The following CDH12 variants were observed in gnomAD, a reference collection of about 807,000 sequenced individuals.
CDH12 encodes the protein cadherin-12.
A neutral mutation model predicts 74.1 loss-of-function variants in CDH12; 41 were observed. The observed-to-expected ratio is 0.55, with a 90% CI of 0.43 to 0.72. The LOEUF (loss-of-function observed/expected upper bound fraction) is 0.72, where lower values mean the gene tolerates loss of function less well. Ranked by LOEUF, CDH12 falls within the 30% of genes least tolerant of loss-of-function variation. CDH12 has a pLI of 0.00. For synonymous variants in CDH12, 399 were observed against 355.0 expected (o/e 1.12, Z -1.39); for missense variants, 945 against 977.2 (o/e 0.97, Z 0.44).
At chr5:22,771,285 C>CA (rs1746791142) in intron 1 of CDH12, among the ~76,000 whole-genome samples, 1 of 152,000 alleles carries the variant, frequency 6.6e-6, no homozygotes, top group South Asian at 2.1e-4. Flanking sequence ...CTTATTGCAG[C>CA]AAGTAATAAA....
At chr5:22,052,546 A>C (rs1286502597) in intron 5 of CDH12, among the ~76,000 whole-genome samples, 1 of 152,094 alleles carries the variant, frequency 6.6e-6, no homozygotes. Context: ...TGCTTATACT[A>C]GTCTATTTCA....
intron 5 of CDH12, among the ~76,000 whole-genome samples, chr5:22,046,251 A>T (rs1322668684): frequency 6.6e-6 from 1 of 152,130 alleles, no homozygotes; most frequent in Admixed American, 6.5e-5. Flanking sequence ...ATTTAATTAA[A>T]ATATTTGTTT....
chr5:22,491,505 T>A (rs1309199230), intron 2 of CDH12, among the ~76,000 whole-genome samples: 2 of 150,810 alleles, frequency 1.3e-5, no homozygotes, highest in Non-Finnish European at 2.9e-5. Context: ...AAAGACTAGA[T>A]GGCTTATAGG....
intron 4 of CDH12, among the ~76,000 whole-genome samples, chr5:22,104,387 G>A (rs1054816368): frequency 2.6e-5 from 4 of 152,006 alleles, no homozygotes; most frequent in Middle Eastern, 3.4e-3. Context: ...TGTGAAGTAT[G>A]TATTTGGAAA....
intron 4 of CDH12, among the ~76,000 whole-genome samples, chr5:22,085,297 C>T (rs1478940713): frequency 6.6e-6 from 1 of 151,932 alleles, no homozygotes; most frequent in African/African-American, 2.4e-5. Context: ...GCTGTGGTTT[C>T]CCTAGTTATT....
chr5:22,380,363 G>T lies in CDH12; in HGVS notation c.-333+24894C>A, dbSNP rs568873210. On this transcript the variant is annotated intron_variant, in intron 3 of 14. Transcript: ENST00000382254. ...CCTTTTAAATTATTTATTCTCAAAG[G>T]TTCTTTTGTTATAACTCTCTCTGAG... 4.6e-5 allele frequency among the ~76,000 whole-genome samples: 7 copies of T among 152,072 alleles called. No individual in the cohort carries two copies. The South Asian group carries it at 8.3e-4, about 18-fold the overall frequency.
chr5:22,670,520 C>A (rs1023018893), intron 1 of CDH12, among the ~76,000 whole-genome samples: 1 of 151,892 alleles, frequency 6.6e-6, no homozygotes, highest in South Asian at 2.1e-4. Flanking sequence ...TTATAATGTG[C>A]CATTTAAAAA....
intron 1 of CDH12, among the ~76,000 whole-genome samples, chr5:22,803,514 C>T (rs1748637588): frequency 6.6e-6 from 1 of 152,130 alleles, no homozygotes; most frequent in African/African-American, 2.4e-5. Context: ...AAATCAGACT[C>T]CAAGTTTTTG....
At chr5:22,483,770 A>ATATATATATATATATATATAT (rs1400461763) in intron 2 of CDH12, among the ~76,000 whole-genome samples, 358 of 100,894 alleles carry the variant, frequency 3.5e-3, no homozygotes, top group African/African-American at 4.5e-3. Flanking sequence ...ATATAAATTT[A>ATATATATATATATATATATAT]ATTAATTGGG....
chr5:22,137,779 T>G (rs962172076), intron 4 of CDH12, among the ~76,000 whole-genome samples: 1 of 152,108 alleles, frequency 6.6e-6, no homozygotes, highest in African/African-American at 2.4e-5. Context: ...TAAAGCAGTC[T>G]GATAATTGCT....
intron 5 of CDH12, among the ~76,000 whole-genome samples, chr5:21,996,113 T>G (rs907184751): frequency 4.9e-5 from 4 of 81,668 alleles, no homozygotes; most frequent in Non-Finnish European, 8.3e-5. Flanking sequence ...ACGTTTTTTT[T>G]TTTTTTTTTT....
chr5:22,513,844 A>G, intron 1 of CDH12, among the ~76,000 whole-genome samples: 1 of 150,692 alleles, frequency 6.6e-6, no homozygotes, highest in African/African-American at 2.4e-5. Context: ...GCTACTTAGG[A>G]GGTTGAGGTA....
chr5:22,782,514 C>G (rs1322947237), intron 1 of CDH12, among the ~76,000 whole-genome samples: 10 of 152,098 alleles, frequency 6.6e-5, no homozygotes, highest in African/African-American at 2.4e-4. Flanking sequence ...CTGAGGCCTT[C>G]CCAGCCATGC....
Position 22,282,413 on chromosome 5 carries a change from G to A in CDH12, c.-332-69770C>T, listed in dbSNP as rs565699144. Among the ~76,000 whole-genome samples the A allele has an allele frequency of 7.2e-5, 11 of 152,248 alleles. No individual in the cohort carries two copies. In the South Asian group the frequency reaches 2.3e-3, roughly 32 times the overall value. On this transcript the variant is annotated intron_variant, in intron 3 of 14. Coordinates refer to ENST00000382254, the MANE Select transcript of CDH12 (RefSeq NM_004061.5). ...ATAAATGGGATCCAATTAAACTAAA[G>A]AGCTTCTGCACAGCAAAAGAAACTA...
chr5:22,242,203 T>C (rs941220034), intron 3 of CDH12, among the ~76,000 whole-genome samples: 1 of 152,160 alleles, frequency 6.6e-6, no homozygotes, highest in African/African-American at 2.4e-5. Context: ...AAAGAGCATA[T>C]AGTGGGTGCT....
At chr5:22,719,748 C>A (rs766622277) in intron 1 of CDH12, among the ~76,000 whole-genome samples, 2 of 152,088 alleles carry the variant, frequency 1.3e-5, no homozygotes, top group African/African-American at 2.4e-5. Context: ...AATACTGTTC[C>A]TTATTTCACT....
At chr5:21,883,848 A>G in intron 6 of CDH12, 1 of 1,606,268 alleles carries the variant, frequency 6.2e-7, no homozygotes, top group Non-Finnish European at 8.5e-7. Flanking sequence ...AAAGAAAGAC[A>G]GAGTTACAGA....
chr5:21,813,974 T>A (rs1747896564), intron 9 of CDH12, among the ~76,000 whole-genome samples: 1 of 152,152 alleles, frequency 6.6e-6, no homozygotes, highest in African/African-American at 2.4e-5. Context: ...GCAGTGTGTT[T>A]GTTGAGTTCA....
At position 21,954,759 on chromosome 5, in the gene CDH12, C is replaced by A. The variant is rs1156472575; in HGVS notation, c.526+20332G>T. On this transcript the variant is annotated intron_variant, in intron 6 of 14. Transcript: ENST00000382254. ...TACTGGAGGAACAACTGATGTACCT[C>A]TGAAAAAGAGAGAGATTAGTTATTA... 3.3e-5 allele frequency among the ~76,000 whole-genome samples: 5 copies of A among 151,946 alleles called. No individual in the cohort carries two copies. The East Asian group carries it at 9.7e-4, about 29-fold the overall frequency.
Sources: gnomAD v4.1 joint callset for allele counts (sites outside exome capture counted in the v4.1 genomes callset) on GRCh38, gnomAD v4.1.1 for gene constraint, MANE v1.5 for transcripts, NCBI Gene and HGNC (gene_info 2026-07-23, HGNC 2026-07-21) for gene names.